The following SORCS2 variants were observed in gnomAD, a reference collection of about 807,000 sequenced individuals.
SORCS2 encodes VPS10 domain-containing receptor SorCS2.
In SORCS2, 100 loss-of-function variants were observed where a neutral mutation model predicts 141.6. That is an observed-to-expected ratio of 0.71 (90% CI 0.60 to 0.83). The LOEUF (loss-of-function observed/expected upper bound fraction) is 0.83, where lower values mean the gene tolerates loss of function less well. Ranked by LOEUF, SORCS2 falls within the 40% of genes least tolerant of loss-of-function variation. SORCS2 has a pLI of 0.00. For synonymous variants in SORCS2, 789 were observed against 676.9 expected (o/e 1.17, Z -2.57); for missense variants, 1,646 against 1,560.2 (o/e 1.05, Z -0.93).
chr4:7,435,493 G>A (rs1354009970), intron 2 of SORCS2, among the ~76,000 whole-genome samples: 1 of 152,198 alleles, frequency 6.6e-6, no homozygotes, highest in Non-Finnish European at 1.5e-5. Context: ...TGAGCTTCAG[G>A]TCTTAAACTG....
At chr4:7,598,208 C>A (rs1195726837) in intron 3 of SORCS2, among the ~76,000 whole-genome samples, 1 of 152,076 alleles carries the variant, frequency 6.6e-6, no homozygotes, top group African/African-American at 2.4e-5. Context: ...ACCTCGTGAT[C>A]TGCCTGCCTC....
intron 17 of SORCS2, among the ~76,000 whole-genome samples, chr4:7,716,423 A>G (rs1726192447): frequency 6.6e-6 from 1 of 152,072 alleles, no homozygotes; most frequent in African/African-American, 2.4e-5. Context: ...TCATTCATCC[A>G]TACGTCTTTC....
chr4:7,679,360 A>G (rs1007481744), intron 9 of SORCS2, among the ~76,000 whole-genome samples: 2 of 152,186 alleles, frequency 1.3e-5, no homozygotes, highest in Non-Finnish European at 2.9e-5. Flanking sequence ...GGTGGCCCCG[A>G]AATAGACATC....
intron 11 of SORCS2, among the ~76,000 whole-genome samples, chr4:7,693,992 C>G (rs552151379): frequency 3.5e-4 from 53 of 152,352 alleles, no homozygotes; most frequent in African/African-American, 1.2e-3. Flanking sequence ...GGGCAGCCCA[C>G]TCACCTGGGC....
chr4:7,452,199 G>A (rs1728504333), intron 2 of SORCS2, among the ~76,000 whole-genome samples: 1 of 151,770 alleles, frequency 6.6e-6, no homozygotes, highest in Non-Finnish European at 1.5e-5. Context: ...GGAGTGCAGT[G>A]GCACGATCTT....
chr4:7,496,148 T>C (rs4689763), intron 2 of SORCS2, among the ~76,000 whole-genome samples: 134,887 of 152,154 alleles, frequency 0.89, 61,479 homozygotes, highest in South Asian at 0.99. Context: ...TCTCATGCCT[T>C]GTGAAGTGTG....
intron 4 of SORCS2, among the ~76,000 whole-genome samples, chr4:7,641,695 G>A (rs1297993103): frequency 6.6e-6 from 1 of 152,130 alleles, no homozygotes; most frequent in Non-Finnish European, 1.5e-5. Context: ...GATCGAGGTT[G>A]GGTGGGTGGG....
intron 3 of SORCS2, among the ~76,000 whole-genome samples, chr4:7,593,181 C>A (rs1308618461): frequency 6.6e-6 from 1 of 152,178 alleles, no homozygotes; most frequent in Non-Finnish European, 1.5e-5. Context: ...AACAAACAAA[C>A]AAAACCAACA....
rs1726978280 is a variant in SORCS2, at chr4:7,193,510, C to A, written c.480+384C>A. ...CTCCCCTGCCCCCAGACTCCACCAG[C>A]TGAGCGTCGCGTTCTGGGATTTTGG... On this transcript the variant is annotated intron_variant, in intron 1 of 26. Transcript: ENST00000507866. The surrounding 1 kb of genome is among the most constrained non-coding windows in gnomAD (Gnocchi z 4.8). Among the ~76,000 whole-genome samples, 1 of 152,208 alleles carries A rather than the reference C, an allele frequency of 6.6e-6. No homozygotes were observed. The highest frequency in any genetic ancestry group is 2.4e-5 in the African/African-American group (1 of 41,454).
At chr4:7,653,532 C>T (rs1170220413) in intron 4 of SORCS2, among the ~76,000 whole-genome samples, 3 of 152,194 alleles carry the variant, frequency 2.0e-5, no homozygotes, top group South Asian at 2.1e-4. Flanking sequence ...CGTGAGCCAC[C>T]GCACCTGGCC....
intron 2 of SORCS2, among the ~76,000 whole-genome samples, chr4:7,462,838 G>A (rs966805323): frequency 6.7e-6 from 1 of 150,076 alleles, no homozygotes; most frequent in Non-Finnish European, 1.5e-5. Context: ...CGGTGCACTC[G>A]CCAGAGGGAG....
chr4:7,511,505 AAACAGAGAAAGAGACAGAGC>A (rs1732650855), intron 2 of SORCS2, among the ~76,000 whole-genome samples: 1 of 151,840 alleles, frequency 6.6e-6, no homozygotes, highest in South Asian at 2.1e-4. Flanking sequence ...AGAGACAGAG[AAACAGAGAAAGAGACAGAGC>A]AACAGAGAGA....
At chr4:7,247,418 C>T (rs904411035) in intron 1 of SORCS2, among the ~76,000 whole-genome samples, 10 of 152,076 alleles carry the variant, frequency 6.6e-5, no homozygotes, top group Admixed American at 6.6e-4. Context: ...ATAAACAATG[C>T]AATATTTGTA....
chr4:7,435,331 C>T (rs1374319463), intron 2 of SORCS2, among the ~76,000 whole-genome samples: 2 of 152,202 alleles, frequency 1.3e-5, no homozygotes, highest in East Asian at 1.9e-4. Context: ...CTGGGAGGTA[C>T]GGAAAGGCAC....
At chr4:7,642,062 T>C (rs1720786903) in intron 4 of SORCS2, among the ~76,000 whole-genome samples, 2 of 151,914 alleles carry the variant, frequency 1.3e-5, no homozygotes, top group South Asian at 2.1e-4. Flanking sequence ...ATGGGGATGG[T>C]TGGTTAGATG....
chr4:7,560,297 A>C (rs1714443267), intron 3 of SORCS2, among the ~76,000 whole-genome samples: 1 of 152,150 alleles, frequency 6.6e-6, no homozygotes, highest in South Asian at 2.1e-4. Flanking sequence ...AATACACTGT[A>C]TTATGGGGTG....
chr4:7,513,793 G>A (rs1284996718), intron 2 of SORCS2, among the ~76,000 whole-genome samples: 1 of 152,198 alleles, frequency 6.6e-6, no homozygotes, highest in Admixed American at 6.5e-5. Context: ...AAGGCATCTT[G>A]TCATTATTTA....
intron 1 of SORCS2, among the ~76,000 whole-genome samples, chr4:7,320,591 A>G (rs1718835502): frequency 6.6e-6 from 1 of 152,244 alleles, no homozygotes; most frequent in South Asian, 2.1e-4. Context: ...GTTTAGAAAC[A>G]CAAACACAGC....
chr4:7,304,393 G>T (rs921332684), intron 1 of SORCS2, among the ~76,000 whole-genome samples: 11 of 152,080 alleles, frequency 7.2e-5, no homozygotes, highest in Non-Finnish European at 1.6e-4. Flanking sequence ...CCCCTTTTAT[G>T]CATCATCCAC....
Sources: allele counts gnomAD v4.1 joint callset (sites outside exome capture counted in the v4.1 genomes callset), GRCh38; gene constraint gnomAD v4.1.1; non-coding constraint Gnocchi (gnomAD v3.1); transcripts MANE v1.5; gene names NCBI Gene and HGNC (gene_info 2026-07-23, HGNC 2026-07-21).